The following TTC39C variants were observed in gnomAD, a reference collection of about 807,000 sequenced individuals.
The protein encoded by TTC39C is tetratricopeptide repeat domain 39C, also known as tetratricopeptide repeat protein 39C.
Under a neutral mutation model 76.3 loss-of-function variants are expected in TTC39C, and 33 were observed. That is an observed-to-expected ratio of 0.43 (90% CI 0.33 to 0.58). The LOEUF (loss-of-function observed/expected upper bound fraction) is 0.58, where lower values mean the gene tolerates loss of function less well. Ranked by LOEUF, TTC39C falls within the 20% of genes least tolerant of loss-of-function variation. TTC39C has a pLI of 0.04. For missense variants in TTC39C, 595 were observed against 701.4 expected, an observed-to-expected ratio of 0.85 and a Z score of 1.71; for synonymous variants, 254 against 260.6, an observed-to-expected ratio of 0.97 and a Z score of 0.24.
chr18:24,001,946 C>T lies in TTC39C; in HGVS notation c.-17+8908C>T, dbSNP rs1340188999. On this transcript the variant is annotated intron_variant, in intron 1 of 13. Coordinates refer to the TTC39C transcript ENST00000304621. ...GTTCACGCCATTCTCCTGCCTCAGC[C>T]TCCCGAGTAGCTGGGACTACAGGCG... is the stretch of plus-strand genomic sequence containing the variant. Among the ~76,000 whole-genome samples the T allele has an allele frequency of 5.3e-5, 8 of 151,828 alleles. No individual in the cohort carries two copies. The East Asian group carries it at 1.6e-3, about 30-fold the overall frequency.
intron 1 of TTC39C, among the ~76,000 whole-genome samples, chr18:24,043,088 A>G (rs2083817891): frequency 6.6e-6 from 1 of 152,266 alleles, no homozygotes; most frequent in African/African-American, 2.4e-5. Flanking sequence ...ATATACATAT[A>G]TGAAAGATAC....
intron 1 of TTC39C, among the ~76,000 whole-genome samples, chr18:23,993,956 C>G (rs2083239775): frequency 6.6e-6 from 1 of 152,184 alleles, no homozygotes; most frequent in South Asian, 2.1e-4. Context: ...CAGAAAGCTT[C>G]ATATTAATCT....
At chr18:24,024,004 A>ATTTT (rs2083563205) in intron 1 of TTC39C, among the ~76,000 whole-genome samples, 8 of 4,856 alleles carry the variant, frequency 1.6e-3, no homozygotes, top group Admixed American at 3.9e-3. Context: ...ATATATATAT[A>ATTTT]TATATATATA....
chr18:24,078,007 C>T (rs1005854678), intron 4 of TTC39C, among the ~76,000 whole-genome samples: 28 of 152,264 alleles, frequency 1.8e-4, no homozygotes, highest in African/African-American at 5.1e-4. Context: ...TATTTCACTT[C>T]GATTCACCCA....
chr18:24,096,026 T>G (rs11659213), intron 6 of TTC39C, among the ~76,000 whole-genome samples: 65,123 of 152,048 alleles, frequency 0.43, 16,104 homozygotes, highest in Non-Finnish European at 0.57. Flanking sequence ...TGTTGTCTTA[T>G]GTGGGCATGG....
At chr18:24,017,871 T>C (rs1027400544) in intron 1 of TTC39C, among the ~76,000 whole-genome samples, 1 of 152,234 alleles carries the variant, frequency 6.6e-6, no homozygotes, top group South Asian at 2.1e-4. Context: ...ACGTATTTTG[T>C]ATCTAGTGTA....
chr18:24,112,889 T>C (rs1407541738), intron 6 of TTC39C, among the ~76,000 whole-genome samples: 1 of 152,126 alleles, frequency 6.6e-6, no homozygotes, highest in Non-Finnish European at 1.5e-5. Context: ...AAATTAGACA[T>C]AGGGTGTGAC....
At chr18:23,999,579 G>A (rs2083295927) in intron 1 of TTC39C, among the ~76,000 whole-genome samples, 1 of 149,676 alleles carries the variant, frequency 6.7e-6, no homozygotes, top group South Asian at 2.1e-4. Context: ...CTTCATCTGA[G>A]TCTGCAAGTG....
chr18:24,037,592 T>C (rs1568414001), intron 1 of TTC39C, among the ~76,000 whole-genome samples: 1 of 152,232 alleles, frequency 6.6e-6, no homozygotes, highest in African/African-American at 2.4e-5. Flanking sequence ...CCAGGAGGGT[T>C]GGGTGAGACT....
At chr18:24,058,343 T>C (rs2084043692) in intron 1 of TTC39C, among the ~76,000 whole-genome samples, 2 of 152,098 alleles carry the variant, frequency 1.3e-5, no homozygotes, top group African/African-American at 4.8e-5. Context: ...TATATGTGCA[T>C]AAAATTAAAC....
intron 1 of TTC39C, among the ~76,000 whole-genome samples, chr18:24,031,215 C>T (rs946992188): frequency 6.6e-6 from 1 of 152,026 alleles, no homozygotes; most frequent in Non-Finnish European, 1.5e-5. Context: ...GCCTTGGCCT[C>T]CCAAAGTGCT....
intron 4 of TTC39C, among the ~76,000 whole-genome samples, chr18:24,070,468 T>A (rs1463750966): frequency 6.6e-6 from 1 of 152,194 alleles, no homozygotes; most frequent in African/African-American, 2.4e-5. Flanking sequence ...CTGGACCTTG[T>A]TGGTCAAGAC....
At chr18:24,044,760 C>G (rs1184349289) in intron 1 of TTC39C, among the ~76,000 whole-genome samples, 1 of 152,186 alleles carries the variant, frequency 6.6e-6, no homozygotes, top group Non-Finnish European at 1.5e-5. Flanking sequence ...TACAAGAATT[C>G]TTAATTTCAG....
rs778923098 is a variant in TTC39C at position 24,123,865 on chromosome 18, G to A, written c.1218G>A (p.Gly406=). 21 of 1,612,388 alleles carry A rather than the reference G, an allele frequency of 1.3e-5. No homozygotes were observed. The Admixed American group carries it at 3.0e-4, about 23-fold the overall frequency. ...AGGGAGCCACTGGTGATGTGGATGG[G>A]GCACAGATTGTCTTTAAAGAAGTTC... is the stretch of plus-strand genomic sequence containing the variant. ...VCQGATGDVD[G]AQIVFKEVQK... is the part of the protein sequence containing the mutation. The change falls in exon 9 of 14, where the codon GGG becomes GGA. Residue 406 remains glycine, a synonymous_variant. Transcript: ENST00000317571.
chr18:24,069,058 C>T (rs975833543), intron 3 of TTC39C, 99 bp from the exon 4 acceptor site: 15 of 994,906 alleles, frequency 1.5e-5, no homozygotes, highest in Admixed American at 2.1e-5. Flanking sequence ...TTTCACAATT[C>T]GTATGTGAAA....
chr18:24,014,150 G>A (rs1434934206), upstream of TTC39C, among the ~76,000 whole-genome samples: 1 of 152,240 alleles, frequency 6.6e-6, no homozygotes, highest in Non-Finnish European at 1.5e-5. Context: ...ACCTCCTCGG[G>A]AATTGGCTGC....
intron 6 of TTC39C, chr18:24,113,383 TG>T: frequency 1.7e-6 from 1 of 583,018 alleles, no homozygotes; most frequent in Non-Finnish European, 3.1e-6. Context: ...GGTCTGCGGG[TG>T]GGGGACCCGT....
intron 1 of TTC39C, among the ~76,000 whole-genome samples, chr18:24,062,013 G>A (rs749842519): frequency 9.9e-5 from 15 of 152,224 alleles, no homozygotes; most frequent in Non-Finnish European, 1.8e-4. Flanking sequence ...GCATTGTCAC[G>A]TGCCCGATGC....
At chr18:24,055,762 CT>C (rs1487208332) in intron 1 of TTC39C, among the ~76,000 whole-genome samples, 4 of 152,144 alleles carry the variant, frequency 2.6e-5, no homozygotes, top group Admixed American at 2.6e-4. Context: ...CATTTATATA[CT>C]TTCATTACCT....
Sources: allele counts gnomAD v4.1 joint callset (sites outside exome capture counted in the v4.1 genomes callset), GRCh38; gene constraint gnomAD v4.1.1; transcripts MANE v1.5; gene names NCBI Gene and HGNC (gene_info 2026-07-23, HGNC 2026-07-21).